Variants in CACNA1A observed in about 807,000 individuals in gnomAD.
CACNA1A encodes calcium voltage-gated channel subunit alpha1 A, also known as voltage-dependent P/Q-type calcium channel subunit alpha-1A.
CACNA1A carries 57 observed loss-of-function variants against 262.4 expected under a neutral mutation model. The ratio of observed to expected loss-of-function variants is 0.22; its 90% confidence interval spans 0.18 to 0.27. The LOEUF (loss-of-function observed/expected upper bound fraction) is 0.27. CACNA1A is among the 10% of genes least tolerant of loss of function. The pLI is 1.00. For missense variants in CACNA1A, 2,526 were observed against 3,562.8 expected, an observed-to-expected ratio of 0.71 and a Z score of 7.41; for synonymous variants, 1,431 against 1,419.3, an observed-to-expected ratio of 1.01 and a Z score of -0.18.
chr19:13,318,106 G>T (rs1008134048), intron 10 of CACNA1A, among the ~76,000 whole-genome samples: 1 of 150,626 alleles, frequency 6.6e-6, no homozygotes, highest in Non-Finnish European at 1.5e-5. Flanking sequence ...AACACAGCGA[G>T]ACAAGTTCTT....
intron 24 of CACNA1A, chr19:13,274,775 G>A (rs1249212104): frequency 1.3e-5 from 2 of 151,826 alleles, no homozygotes; most frequent in African/African-American, 2.4e-5. Context: ...CAGAACTAGG[G>A]TGCCACCTTG....
At chr19:13,385,909 C>T (rs2059604362) in intron 3 of CACNA1A, among the ~76,000 whole-genome samples, 1 of 151,984 alleles carries the variant, frequency 6.6e-6, no homozygotes, top group Non-Finnish European at 1.5e-5. Context: ...GTAATCCCAG[C>T]ACTTTGGGAG....
At chr19:13,387,252 G>A (rs1262426872) in intron 3 of CACNA1A, among the ~76,000 whole-genome samples, 5 of 152,084 alleles carry the variant, frequency 3.3e-5, no homozygotes, top group Non-Finnish European at 5.9e-5. Flanking sequence ...CACTGCGCCC[G>A]GCCTCCATTT....
rs532298091 is a variant in CACNA1A at position 13,398,915 on chromosome 19, C to T, written c.540-27136G>A. ...ATAGGCTCTGACAAATTTCAGGCCC[C>T]GAGGGGAGGGAGGCCAGGCTTGAGC... On this transcript the variant is annotated intron_variant, in intron 3 of 46. Transcript: ENST00000360228. Among the ~76,000 whole-genome samples the T allele has an allele frequency of 2.2e-4, 33 of 152,238 alleles. 2 individuals carry two copies. In the South Asian group the frequency reaches 5.4e-3, roughly 25 times the overall value.
chr19:13,208,834 G>A lies in CACNA1A; in HGVS notation c.6702C>T (p.Asp2234=), dbSNP rs2054682302. The change falls in exon 46 of 47, where the codon GAC becomes GAT. Residue 2234 remains aspartate, a synonymous_variant. Coordinates refer to ENST00000360228, the MANE Select transcript of CACNA1A (RefSeq NM_001127222.2). ...DKDRYAQERP[D]HGRARARDQR... is the part of the protein sequence containing the mutation. ...GGTCCCGAGCCCGTGCCCGGCCGTGGTCCGGCCGTTCCTGGGCATAGCGGT... is the reference window on the plus strand; with the variant it reads ...GGTCCCGAGCCCGTGCCCGGCCGTGATCCGGCCGTTCCTGGGCATAGCGGT... 6.5e-7 allele frequency: 1 copy of A among 1,541,592 alleles called. No homozygotes were observed. Among genetic ancestry groups the A allele is most frequent in the African/African-American group, 1.4e-5 (1 of 73,416 alleles).
chr19:13,405,273 G>A (rs1344505724), intron 3 of CACNA1A, among the ~76,000 whole-genome samples: 1 of 152,016 alleles, frequency 6.6e-6, no homozygotes, highest in Non-Finnish European at 1.5e-5. Context: ...GCTCACTGTA[G>A]CCTCAACTTC....
At chr19:13,240,194 ATGAG>A (rs558102653) in intron 31 of CACNA1A, among the ~76,000 whole-genome samples, 112 of 150,692 alleles carry the variant, frequency 7.4e-4, no homozygotes, top group Middle Eastern at 3.4e-3. Flanking sequence ...GAATTGGAGA[ATGAG>A]TGAGAAAAAG....
At chr19:13,427,774 AAAACAAAC>A (rs60914806) in intron 3 of CACNA1A, among the ~76,000 whole-genome samples, 4,564 of 150,890 alleles carry the variant, frequency 0.03, 203 homozygotes, top group African/African-American at 0.1. Flanking sequence ...CACAGTGGTA[AAAACAAAC>A]AAACAAACAA....
chr19:13,435,483 C>G (rs1160957179), intron 3 of CACNA1A, among the ~76,000 whole-genome samples: 1 of 151,976 alleles, frequency 6.6e-6, no homozygotes, highest in Non-Finnish European at 1.5e-5. Context: ...AACTGAGGCT[C>G]AGAGAGACAA....
chr19:13,339,167 G>GT (rs1164474057), intron 6 of CACNA1A, among the ~76,000 whole-genome samples: 12 of 151,636 alleles, frequency 7.9e-5, no homozygotes, highest in Non-Finnish European at 1.6e-4. Flanking sequence ...CCCGGCAGAA[G>GT]TTTTTTTTTA....
intron 1 of CACNA1A, among the ~76,000 whole-genome samples, chr19:13,478,518 T>C (rs1352012775): frequency 1.3e-5 from 2 of 152,134 alleles, no homozygotes; most frequent in Non-Finnish European, 2.9e-5. Context: ...GGTCTTGCTA[T>C]GTTACCCAGG....
intron 3 of CACNA1A, among the ~76,000 whole-genome samples, chr19:13,402,847 C>CAT (rs113824375): frequency 4.6e-4 from 51 of 110,928 alleles, no homozygotes; most frequent in Non-Finnish European, 6.9e-4. Context: ...TATATATACA[C>CAT]ATATATATAT....
intron 4 of CACNA1A, among the ~76,000 whole-genome samples, chr19:13,366,674 C>T (rs769285154): frequency 2.5e-4 from 38 of 152,156 alleles, no homozygotes; most frequent in Non-Finnish European, 5.1e-4. Context: ...GGGTGGGAGT[C>T]CATTGCTTTT....
chr19:13,498,052 G>A (rs577844424), intron 1 of CACNA1A, among the ~76,000 whole-genome samples: 18 of 151,886 alleles, frequency 1.2e-4, no homozygotes, highest in Admixed American at 5.9e-4. Flanking sequence ...CTATGCAGAC[G>A]CCACAACATG....
intron 21 of CACNA1A, chr19:13,283,623 C>A: frequency 2.0e-6 from 1 of 489,600 alleles, no homozygotes; most frequent in Non-Finnish European, 3.7e-6. Context: ...CCCTGTTTAG[C>A]AAAGTTCCTA....
chr19:13,217,927 CTTTTTTTTTT>C (rs33920209), intron 38 of CACNA1A, among the ~76,000 whole-genome samples: 1 of 91,528 alleles, frequency 1.1e-5, no homozygotes, highest in African/African-American at 4.4e-5. Context: ...ATAGTTCATT[CTTTTTTTTTT>C]TTTTTTTTTT....
At chr19:13,416,406 G>T (rs2060222826) in intron 3 of CACNA1A, among the ~76,000 whole-genome samples, 1 of 152,192 alleles carries the variant, frequency 6.6e-6, no homozygotes. Context: ...TTTAGGCTGT[G>T]TGCGGTGGCT....
intron 1 of CACNA1A, among the ~76,000 whole-genome samples, chr19:13,481,858 CTG>C (rs979213445): frequency 6.6e-6 from 1 of 152,018 alleles, no homozygotes; most frequent in African/African-American, 2.4e-5. Flanking sequence ...CACTTGCTTT[CTG>C]TTCTGACTCC....
chr19:13,503,939 C>T (rs1473175788), intron 1 of CACNA1A, among the ~76,000 whole-genome samples: 1 of 152,208 alleles, frequency 6.6e-6, no homozygotes, highest in Non-Finnish European at 1.5e-5. Context: ...CACTGCAATC[C>T]CCCTCTCCCC....
Sources: allele counts gnomAD v4.1 joint callset (sites outside exome capture counted in the v4.1 genomes callset), GRCh38; gene constraint gnomAD v4.1.1; transcripts MANE v1.5; gene names NCBI Gene and HGNC (gene_info 2026-07-23, HGNC 2026-07-21).